The following FOXO1 variants were observed in gnomAD, a reference collection of about 807,000 sequenced individuals.
FOXO1 encodes the protein forkhead box protein O1.
In FOXO1, 6 loss-of-function variants were observed where a neutral mutation model predicts 44.1. The ratio of observed to expected loss-of-function variants is 0.14; its 90% CI spans 0.07 to 0.27. The LOEUF (loss-of-function observed/expected upper bound fraction) is 0.27, where lower values mean the gene tolerates loss of function less well. Among genes scored for constraint, FOXO1 ranks in the 10% least tolerant of loss-of-function variants. The pLI is 1.00. For synonymous variants in FOXO1, 380 were observed against 362.7 expected, an observed-to-expected ratio of 1.05 and a Z score of -0.54; for missense variants, 737 against 888.8, an observed-to-expected ratio of 0.83 and a Z score of 2.17.
In FOXO1 at chr13:40,665,527, G is replaced by A. The variant is rs1202097963; in HGVS notation, c.630+56C>T. ...AGGCCGAGCAAACCTGCACAGCTGCGCCCTCGCCTGACCCACCGCGCCCCC... is the reference window on the plus strand; with the variant it reads ...AGGCCGAGCAAACCTGCACAGCTGCACCCTCGCCTGACCCACCGCGCCCCC... On this transcript the variant is annotated intron_variant, in intron 1 of 2. Coordinates refer to ENST00000379561, the MANE Select transcript of FOXO1 (RefSeq NM_002015.4). 8 of 1,310,608 alleles carry A rather than the reference G, an allele frequency of 6.1e-6. No individual in the cohort carries two copies. The South Asian group carries it at 1.2e-4, about 19-fold the overall frequency. The allele number at this position is 1,310,608 out of a possible 1,614,324, so 81.2% of individuals were successfully genotyped here. A position where few individuals can be genotyped will look rare whatever the true frequency, so the allele number is the denominator to read the frequency against.
At chr13:40,628,824 C>G (rs547193162) in intron 1 of FOXO1, among the ~76,000 whole-genome samples, 1 of 152,314 alleles carries the variant, frequency 6.6e-6, no homozygotes, top group Non-Finnish European at 1.5e-5. Context: ...AGGTTGTCCC[C>G]CAGGCACCTG....
chr13:40,570,988 A>AT (rs1874468989), intron 1 of FOXO1, among the ~76,000 whole-genome samples: 1 of 152,166 alleles, frequency 6.6e-6, no homozygotes, highest in South Asian at 2.1e-4. Flanking sequence ...GTGGACCCCT[A>AT]TTTAAGCAAA....
At chr13:40,589,201 T>C (rs1371318123) in intron 1 of FOXO1, among the ~76,000 whole-genome samples, 2 of 152,154 alleles carry the variant, frequency 1.3e-5, no homozygotes, top group Non-Finnish European at 2.9e-5. Context: ...TGCAAGAATA[T>C]TCTACATTCA....
chr13:40,635,201 C>T (rs1200708367), intron 1 of FOXO1, among the ~76,000 whole-genome samples: 1 of 151,806 alleles, frequency 6.6e-6, no homozygotes, highest in Non-Finnish European at 1.5e-5. Context: ...CTTCATTAAC[C>T]AAAAAAATTT....
chr13:40,655,292 G>C lies in FOXO1; in HGVS notation c.630+10291C>G, dbSNP rs112440988. Among the ~76,000 whole-genome samples the C allele has an allele frequency of 5.9e-3, 885 of 149,510 alleles. 3 individuals are homozygous for C. The highest frequency in any genetic ancestry group is 9.1e-3 in the Non-Finnish European group (616 of 67,724). On this transcript the variant is annotated intron_variant, in intron 1 of 2. Coordinates refer to ENST00000379561, the MANE Select transcript of FOXO1 (RefSeq NM_002015.4). ...TTGAACCTGGGAGGCAGAGGTTGCA[G>C]TGAGCCAAGATTGGGCCACCGCACT...
intron 1 of FOXO1, chr13:40,618,599 C>G (rs1876502899): frequency 3.3e-6 from 1 of 306,566 alleles, no homozygotes; most frequent in South Asian, 3.2e-5. Flanking sequence ...AACTAAGAAC[C>G]CTGAAGACCA....
intron 1 of FOXO1, among the ~76,000 whole-genome samples, chr13:40,597,691 G>A (rs1353344148): frequency 6.6e-6 from 1 of 152,112 alleles, no homozygotes. Context: ...AGAAAGTAAT[G>A]GTCAGCCTTG....
intron 1 of FOXO1, among the ~76,000 whole-genome samples, chr13:40,648,341 C>G (rs983429205): frequency 1.3e-5 from 2 of 152,272 alleles, no homozygotes; most frequent in South Asian, 4.1e-4. Flanking sequence ...ACTGATAATA[C>G]TAGTAAAGGC....
chr13:40,632,542 G>C (rs1877000228), intron 1 of FOXO1, among the ~76,000 whole-genome samples: 1 of 152,014 alleles, frequency 6.6e-6, no homozygotes, highest in African/African-American at 2.4e-5. Flanking sequence ...GGAGGCTGAG[G>C]CACGAATATC....
At chr13:40,601,037 G>C (rs1291630204) in intron 1 of FOXO1, among the ~76,000 whole-genome samples, 2 of 152,172 alleles carry the variant, frequency 1.3e-5, no homozygotes, top group African/African-American at 4.8e-5. Flanking sequence ...TGACTGGTCT[G>C]TCGAAAACCA....
intron 1 of FOXO1, among the ~76,000 whole-genome samples, chr13:40,625,648 G>A (rs535556403): frequency 2.9e-5 from 4 of 140,180 alleles, no homozygotes; most frequent in African/African-American, 8.2e-5. Context: ...TAATAAACTT[G>A]CTTTCACTTT....
At chr13:40,568,659 T>A (rs910045293) in intron 1 of FOXO1, among the ~76,000 whole-genome samples, 5 of 152,194 alleles carry the variant, frequency 3.3e-5, no homozygotes, top group Non-Finnish European at 1.5e-5. Context: ...CTAATCTACA[T>A]GCTTACACCC....
At chr13:40,589,340 G>A (rs898881804) in intron 1 of FOXO1, among the ~76,000 whole-genome samples, 9 of 151,820 alleles carry the variant, frequency 5.9e-5, no homozygotes, top group Non-Finnish European at 1.2e-4. Flanking sequence ...GGCCAACAAT[G>A]AAATTAAAGA....
At chr13:40,562,761 G>A (rs961524465) in intron 1 of FOXO1, 1 of 152,388 alleles carries the variant, frequency 6.6e-6, no homozygotes, top group African/African-American at 2.4e-5. Context: ...ACCAGAGCCA[G>A]GCTGCAGATG....
chr13:40,579,070 A>T (rs142281135), intron 1 of FOXO1, among the ~76,000 whole-genome samples: 1 of 152,372 alleles, frequency 6.6e-6, no homozygotes, highest in East Asian at 1.9e-4. Flanking sequence ...TCTTGTCTAT[A>T]AAGTAGGAAA....
Position 40,586,424 on chromosome 13 carries a change from C to T in FOXO1, c.631-25564G>A, listed in dbSNP as rs535024681. Among the ~76,000 whole-genome samples, 13 of 152,256 alleles carry T rather than the reference C, an allele frequency of 8.5e-5. 1 individual carries two copies. The highest frequency in any genetic ancestry group is 3.4e-3 in the Middle Eastern group (1 of 294). On this transcript the variant is annotated intron_variant, in intron 1 of 2. Coordinates refer to ENST00000379561, the MANE Select transcript of FOXO1 (RefSeq NM_002015.4). ...TAAAATGGTGGCACAGTCCCATCCC[C>T]GGGTTTCCAGGGAGACCCCAATCCC...
intron 1 of FOXO1, among the ~76,000 whole-genome samples, chr13:40,586,534 C>A (rs1470806050): frequency 1.3e-5 from 2 of 152,142 alleles, no homozygotes; most frequent in Non-Finnish European, 2.9e-5. Context: ...ATGACTCTTG[C>A]AGTCTGGAAT....
intron 1 of FOXO1, among the ~76,000 whole-genome samples, chr13:40,636,898 A>T (rs901247409): frequency 7.2e-5 from 11 of 152,190 alleles, no homozygotes; most frequent in African/African-American, 2.7e-4. Flanking sequence ...CTGTAATTAT[A>T]AACAGTGACT....
intron 1 of FOXO1, among the ~76,000 whole-genome samples, chr13:40,616,530 G>A (rs1158460111): frequency 2.0e-5 from 3 of 152,158 alleles, no homozygotes; most frequent in Non-Finnish European, 4.4e-5. Flanking sequence ...GACCATGGAG[G>A]GCCAAACGCA....
Sources: gnomAD v4.1 joint callset for allele counts (sites outside exome capture counted in the v4.1 genomes callset) on GRCh38, gnomAD v4.1.1 for gene constraint, MANE v1.5 for transcripts, NCBI Gene and HGNC (gene_info 2026-07-23, HGNC 2026-07-21) for gene names.